Variants in DCLK1 observed in about 807,000 individuals in gnomAD.
The protein encoded by DCLK1 is serine/threonine-protein kinase DCLK1.
DCLK1 carries 16 observed loss-of-function variants against 86.2 expected under a neutral mutation model. That is an observed-to-expected ratio of 0.19 (90% CI 0.13 to 0.28). The LOEUF is 0.28. Ranked by LOEUF, DCLK1 falls within the 10% of genes least tolerant of loss-of-function variation. DCLK1 has a pLI of 1.00. For synonymous variants in DCLK1, 369 were observed against 370.5 expected (o/e 1.00, Z 0.05); for missense variants, 590 against 940.2 (o/e 0.63, Z 4.87).
At chr13:36,030,720 A>C (rs901628687) in intron 3 of DCLK1, among the ~76,000 whole-genome samples, 6 of 152,238 alleles carry the variant, frequency 3.9e-5, no homozygotes, top group African/African-American at 7.2e-5. Context: ...TACTCAAAGC[A>C]AACTTTTTCA....
Position 36,027,892 on chromosome 13 carries a change from T to A in DCLK1, c.724-80435A>T, listed in dbSNP as rs556005917. Among the ~76,000 whole-genome samples, 44 of 152,190 alleles carry A rather than the reference T, an allele frequency of 2.9e-4. 1 individual carries two copies. Among genetic ancestry groups the A allele is most frequent in the Admixed American group, 2.7e-3 (41 of 15,284 alleles). On this transcript the variant is annotated intron_variant, in intron 3 of 16. Coordinates refer to ENST00000360631, the MANE Select transcript of DCLK1 (RefSeq NM_001330071.2). Reference sequence around the variant, plus strand: ...GACTATAGGTGCATGGCACCACACCTGGCTAATTTTTGTACTTTTTGCACA... The same window carrying A: ...GACTATAGGTGCATGGCACCACACCAGGCTAATTTTTGTACTTTTTGCACA...
chr13:35,838,697 A>C (rs1165666836), intron 7 of DCLK1, among the ~76,000 whole-genome samples: 1 of 152,222 alleles, frequency 6.6e-6, no homozygotes, highest in Non-Finnish European at 1.5e-5. Flanking sequence ...CATCTGTGAG[A>C]CTACAACAGT....
intron 11 of DCLK1, among the ~76,000 whole-genome samples, chr13:35,811,886 C>T (rs2087153584): frequency 6.6e-6 from 1 of 151,456 alleles, no homozygotes; most frequent in African/African-American, 2.4e-5. Context: ...TAACTAAATA[C>T]AAAAAAACTA....
chr13:35,800,502 G>A (rs145602989), intron 15 of DCLK1, among the ~76,000 whole-genome samples: 4 of 152,220 alleles, frequency 2.6e-5, no homozygotes, highest in East Asian at 1.9e-4. Flanking sequence ...GAGAGGCCTC[G>A]CTCATGACTC....
intron 3 of DCLK1, among the ~76,000 whole-genome samples, chr13:36,054,812 C>T (rs1311754880): frequency 6.6e-6 from 1 of 152,148 alleles, no homozygotes; most frequent in Non-Finnish European, 1.5e-5. Flanking sequence ...ACGAGTTGTG[C>T]ATTTGTCACA....
chr13:35,894,674 A>G (rs1245965961), intron 4 of DCLK1, among the ~76,000 whole-genome samples: 1 of 152,150 alleles, frequency 6.6e-6, no homozygotes. Flanking sequence ...TGAACAGCCC[A>G]GTGTGCCATG....
intron 3 of DCLK1, among the ~76,000 whole-genome samples, chr13:35,977,873 T>C (rs528041489): frequency 6.6e-6 from 1 of 152,088 alleles, no homozygotes; most frequent in Admixed American, 6.5e-5. Flanking sequence ...TCTTTCCCCA[T>C]GAAGAAAGTC....
intron 5 of DCLK1, among the ~76,000 whole-genome samples, chr13:35,858,674 T>C (rs543417123): frequency 8.5e-5 from 13 of 152,076 alleles, no homozygotes; most frequent in Non-Finnish European, 1.3e-4. Flanking sequence ...TAATTGTGGT[T>C]TTTGCCATTA....
intron 16 of DCLK1, among the ~76,000 whole-genome samples, chr13:35,777,151 T>A (rs538258551): frequency 6.6e-6 from 1 of 152,342 alleles, no homozygotes; most frequent in Admixed American, 6.5e-5. Context: ...CATGCACAAA[T>A]GCTCCTGAGC....
At position 35,796,932 on chromosome 13, in the gene DCLK1, T is replaced by C. The variant is rs143716222; in HGVS notation, c.1945-3453A>G. Among the ~76,000 whole-genome samples, 90 of 152,274 alleles carry C rather than the reference T, an allele frequency of 5.9e-4. 1 individual carries two copies. The East Asian group carries it at 0.016, about 27-fold the overall frequency. On this transcript the variant is annotated intron_variant, in intron 15 of 16. Transcript: ENST00000360631. ...ACGACTTAATGGAGCCTGGGAATCA[T>C]CTGGTGGTCAATAAAAGAGACGCTG...
intron 3 of DCLK1, among the ~76,000 whole-genome samples, chr13:36,095,039 C>T (rs1884956152): frequency 6.6e-6 from 1 of 152,066 alleles, no homozygotes; most frequent in African/African-American, 2.4e-5. Flanking sequence ...AAACCCATGC[C>T]CAGTTGAACT....
chr13:35,847,120 T>C (rs1305103244), intron 6 of DCLK1: 46 of 969,774 alleles, frequency 4.7e-5, no homozygotes, highest in Non-Finnish European at 5.5e-5. Flanking sequence ...TTGTTAATAA[T>C]TGAAAACAAA....
At chr13:35,850,915 G>A in intron 6 of DCLK1, 1 of 672,296 alleles carries the variant, frequency 1.5e-6, no homozygotes, top group Non-Finnish European at 2.2e-6. Flanking sequence ...TGGATTAGGA[G>A]GAAAGATAAT....
chr13:35,806,449 T>C (rs757213157), intron 14 of DCLK1, among the ~76,000 whole-genome samples: 1 of 152,234 alleles, frequency 6.6e-6, no homozygotes, highest in Non-Finnish European at 1.5e-5. Flanking sequence ...TGAGCTCAAA[T>C]GGACTTGGAC....
chr13:36,125,406 G>T (rs1886133701), intron 2 of DCLK1, among the ~76,000 whole-genome samples: 1 of 152,102 alleles, frequency 6.6e-6, no homozygotes, highest in Non-Finnish European at 1.5e-5. Context: ...AGTACTTTCG[G>T]ATATCGTGAT....
intron 15 of DCLK1, among the ~76,000 whole-genome samples, chr13:35,798,316 A>T (rs2086853414): frequency 6.6e-6 from 1 of 152,316 alleles, no homozygotes; most frequent in Non-Finnish European, 1.5e-5. Context: ...GCTTTAAAAA[A>T]TTCTCATCCC....
chr13:35,830,804 ACCT>A (rs1868896320), intron 8 of DCLK1, among the ~76,000 whole-genome samples: 1 of 152,156 alleles, frequency 6.6e-6, no homozygotes, highest in Non-Finnish European at 1.5e-5. Context: ...TCCCTTCACC[ACCT>A]CCACAAAGGG....
intron 3 of DCLK1, among the ~76,000 whole-genome samples, chr13:36,017,533 G>A (rs1881586870): frequency 1.3e-5 from 2 of 152,026 alleles, no homozygotes; most frequent in Admixed American, 6.6e-5. Flanking sequence ...AGTACTCTGG[G>A]GTATGGTATG....
intron 5 of DCLK1, among the ~76,000 whole-genome samples, chr13:35,867,909 A>AAAGAAAG (rs1555345722): frequency 1.2e-4 from 12 of 102,434 alleles, no homozygotes; most frequent in African/African-American, 4.0e-4. Flanking sequence ...GAAAGAAAGA[A>AAAGAAAG]AAAGAAAGAA....
Sources: gnomAD v4.1 joint callset for allele counts (sites outside exome capture counted in the v4.1 genomes callset) on GRCh38, gnomAD v4.1.1 for gene constraint, MANE v1.5 for transcripts, NCBI Gene and HGNC (gene_info 2026-07-23, HGNC 2026-07-21) for gene names.